VEZT: variants seen among roughly 807,000 people sequenced by gnomAD.
The protein encoded by VEZT is vezatin, adherens junctions transmembrane protein.
VEZT carries 39 observed loss-of-function variants against 79.9 expected under a neutral mutation model. The observed-to-expected ratio is 0.49, with a 90% CI of 0.38 to 0.64. The LOEUF (loss-of-function observed/expected upper bound fraction) is 0.64, where lower values mean the gene tolerates loss of function less well. Among genes scored for constraint, VEZT ranks in the 30% least tolerant of loss-of-function variants. The pLI is 0.00. For synonymous variants in VEZT, 325 were observed against 327.6 expected, an observed-to-expected ratio of 0.99 and a Z score of 0.09; for missense variants, 837 against 893.1, an observed-to-expected ratio of 0.94 and a Z score of 0.80.
intron 8 of VEZT, 105 bp downstream of exon 8, chr12:95,282,749 A>C: frequency 1.1e-6 from 1 of 909,942 alleles, no homozygotes. Flanking sequence ...AAGAAACAAA[A>C]CTGAGGCATG....
intron 1 of VEZT, among the ~76,000 whole-genome samples, chr12:95,234,257 A>G (rs559811376): frequency 1.6e-4 from 24 of 149,324 alleles, no homozygotes; most frequent in African/African-American, 5.7e-4. Flanking sequence ...CTGTTGCATC[A>G]TGTTAGCCAA....
At chr12:95,298,512 G>A (rs1172856281) in intron 11 of VEZT, among the ~76,000 whole-genome samples, 2 of 151,924 alleles carry the variant, frequency 1.3e-5, no homozygotes, top group Non-Finnish European at 2.9e-5. Flanking sequence ...CTTAAATAGG[G>A]GCCTTATTAT....
intron 1 of VEZT, among the ~76,000 whole-genome samples, chr12:95,233,670 G>A (rs907205631): frequency 2.0e-5 from 3 of 152,164 alleles, no homozygotes; most frequent in African/African-American, 7.2e-5. Flanking sequence ...CCAAAGTGCT[G>A]AGATTATAGG....
chr12:95,241,586 G>C (rs759610311), intron 1 of VEZT, among the ~76,000 whole-genome samples: 1 of 152,146 alleles, frequency 6.6e-6, no homozygotes, highest in Non-Finnish European at 1.5e-5. Context: ...GGGATTAAAG[G>C]AGTGAGCTAC....
At chr12:95,281,978 A>G (rs2069268496) in intron 7 of VEZT, among the ~76,000 whole-genome samples, 1 of 152,034 alleles carries the variant, frequency 6.6e-6, no homozygotes, top group African/African-American at 2.4e-5. Context: ...TAGTCCTACT[A>G]TCTTCTTTTC....
At chr12:95,263,978 A>G (rs996150329) in intron 4 of VEZT, among the ~76,000 whole-genome samples, 2 of 152,248 alleles carry the variant, frequency 1.3e-5, no homozygotes, top group Admixed American at 6.5e-5. Flanking sequence ...GCGATTATAT[A>G]TAAAAAATTA....
Position 95,287,823 on chromosome 12 carries a change from C to T in VEZT, c.1488C>T (p.Val496=), listed in dbSNP as rs377589712. The change falls in exon 9 of 12, where the codon GTC becomes GTT. Residue 496 remains valine (V), a synonymous_variant. Coordinates refer to ENST00000436874, the MANE Select transcript of VEZT (RefSeq NM_017599.4). ...GCTGGGAAGAGGCCATTTCTCAGGT[C>T]GACAAACTGCTACGAAGAAATACAG... ...NNCWEEAISQ[V]DKLLRRNTDK... The T allele has an allele frequency of 1.8e-5, 29 of 1,604,950 alleles. No homozygotes were observed. In the East Asian group the frequency reaches 4.0e-4, roughly 22 times the overall value.
rs756970550 is a variant in VEZT at position 95,270,096 on chromosome 12, T to C, written c.756T>C (p.Ser252=). 2 of 1,611,854 alleles carry C rather than the reference T, an allele frequency of 1.2e-6. No individual in the cohort carries two copies. Among genetic ancestry groups the C allele is most frequent in the East Asian group, 4.5e-5 (2 of 44,866 alleles). The change falls in exon 6 of 12, where the codon AGT becomes AGC. Residue 252 remains serine, a synonymous_variant. Coordinates refer to ENST00000436874, the MANE Select transcript of VEZT (RefSeq NM_017599.4). The part of the protein sequence containing the change: ...CPFNKAGQHP[S]QHLIGLRKAV... The stretch of plus-strand genomic sequence containing the variant: ...TTAATAAAGCTGGACAGCATCCAAG[T>C]CAGCATCTCATCGGTCTTCGGAAAG...
intron 1 of VEZT, among the ~76,000 whole-genome samples, chr12:95,235,480 T>C (rs1360313916): frequency 8.3e-6 from 1 of 119,822 alleles, no homozygotes; most frequent in Non-Finnish European, 1.7e-5. Context: ...CACTTCCCAG[T>C]AGGGGCGGCC....
intron 6 of VEZT, 95 bp downstream of exon 6, chr12:95,270,283 T>C: frequency 7.9e-7 from 1 of 1,262,262 alleles, no homozygotes; most frequent in Non-Finnish European, 1.1e-6. Flanking sequence ...TACTGTAAAG[T>C]GAGATTGCCT....
intron 9 of VEZT, chr12:95,293,981 C>G (rs889508275): frequency 1.2e-5 from 4 of 329,370 alleles, no homozygotes; most frequent in Non-Finnish European, 2.3e-5. Flanking sequence ...CTTGATCTCC[C>G]CAGCTCAAGC....
chr12:95,223,104 G>C (rs895592851), intron 1 of VEZT, among the ~76,000 whole-genome samples: 1 of 152,126 alleles, frequency 6.6e-6, no homozygotes, highest in African/African-American at 2.4e-5. Context: ...AGTTATATTA[G>C]TTAATGTGAC....
intron 8 of VEZT, among the ~76,000 whole-genome samples, chr12:95,283,825 A>T (rs941428553): frequency 6.6e-6 from 1 of 152,196 alleles, no homozygotes; most frequent in Non-Finnish European, 1.5e-5. Flanking sequence ...AAAGCAGGTA[A>T]ATGCTAACGA....
At position 95,294,321 on chromosome 12, in the gene VEZT, G is replaced by A; in HGVS notation, c.1572G>A (p.Leu524=). Residue 524 remains leucine, a synonymous_variant, in exon 10 of 12, where the codon TTG becomes TTA. Coordinates refer to ENST00000436874, the MANE Select transcript of VEZT (RefSeq NM_017599.4). ...ACCCACATTGTACAGTAGTACCTTT[G>A]AAGCAGCCTACTCTACACATTGCAG... ...CENPHCTVVP[L]KQPTLHIADK... is the part of the protein sequence containing the mutation. 1 of 1,593,824 alleles carries A rather than the reference G, an allele frequency of 6.3e-7. No homozygotes were observed. The highest frequency in any genetic ancestry group is 8.6e-7 in the Non-Finnish European group (1 of 1,169,546).
Position 95,217,838 on chromosome 12 carries a change from A to G in VEZT, c.-13A>G. Reference sequence around the variant, plus strand: ...TTCCCATCGTGCTGAGGCGGGTGGCATGGCGGAGAAGGATGACACCGGAGT... The same window carrying G: ...TTCCCATCGTGCTGAGGCGGGTGGCGTGGCGGAGAAGGATGACACCGGAGT... On this transcript the variant is annotated 5_prime_UTR_variant, in exon 1 of 12. The change abolishes an upstream ATG in the 5' untranslated region. Transcript: ENST00000436874. The G allele has an allele frequency of 1.3e-6, 2 of 1,541,684 alleles. No individual in the cohort carries two copies. The highest frequency in any genetic ancestry group is 5.4e-5 in the East Asian group (2 of 37,344).
In VEZT at chr12:95,217,875, G is replaced by T; in HGVS notation, c.25G>T (p.Val9Leu). 2.6e-6 allele frequency: 4 copies of T among 1,528,266 alleles called. No individual in the cohort carries two copies. The highest frequency in any genetic ancestry group is 3.5e-6 in the Non-Finnish European group (4 of 1,143,132). The allele number at this position is 1,528,266 out of a possible 1,614,324, so 94.7% of individuals were successfully genotyped here. ...GATGACACCGGAGTTTGACGAAGAGGTGGTTTTTGAGGTAAGAGGAAAATG... is the reference window on the plus strand; with the variant it reads ...GATGACACCGGAGTTTGACGAAGAGTTGGTTTTTGAGGTAAGAGGAAAATG... MTPEFDEE[V>L]VFENSPLYQY... The change falls in exon 1 of 12, where the codon GTG becomes TTG. Residue 9 changes from valine to leucine, a missense_variant. Transcript: ENST00000436874.
At chr12:95,257,523 TATAGGTAAAGGA>T (rs1480046119) in intron 3 of VEZT, among the ~76,000 whole-genome samples, 7 of 152,224 alleles carry the variant, frequency 4.6e-5, no homozygotes, top group Admixed American at 4.6e-4. Flanking sequence ...TATCCCTCTC[TATAGGTAAAGGA>T]ATATGTCATT....
At chr12:95,260,233 G>A (rs1338738941) in intron 3 of VEZT, among the ~76,000 whole-genome samples, 3 of 150,130 alleles carry the variant, frequency 2.0e-5, no homozygotes, top group Non-Finnish European at 4.4e-5. Flanking sequence ...AGCCTCACAA[G>A]TAGCTGGGAC....
At chr12:95,268,967 C>A (rs2066081026) in intron 5 of VEZT, among the ~76,000 whole-genome samples, 1 of 152,120 alleles carries the variant, frequency 6.6e-6, no homozygotes, top group South Asian at 2.1e-4. Flanking sequence ...TTTTTGCCTT[C>A]ATTCCCTTGT....
Sources: allele counts gnomAD v4.1 joint callset (sites outside exome capture counted in the v4.1 genomes callset), GRCh38; gene constraint gnomAD v4.1.1; transcripts MANE v1.5; gene names NCBI Gene and HGNC (gene_info 2026-07-23, HGNC 2026-07-21).